The following ABCA4 variants were observed in gnomAD, a reference collection of about 807,000 sequenced individuals.
ABCA4 encodes the protein ATP binding cassette subfamily A member 4, also known as retinal-specific phospholipid-transporting ATPase ABCA4.
ABCA4 carries 196 observed loss-of-function variants against 263.7 expected under a neutral mutation model. The ratio of observed to expected loss-of-function variants is 0.74; its 90% CI spans 0.66 to 0.84. The LOEUF (loss-of-function observed/expected upper bound fraction) is 0.84, where lower values mean the gene tolerates loss of function less well. Ranked by LOEUF, ABCA4 falls within the 40% of genes least tolerant of loss-of-function variation. The pLI, the probability that ABCA4 is intolerant of heterozygous loss-of-function variation, is 0.00. For missense variants in ABCA4, 2,792 were observed against 2,855.1 expected, an observed-to-expected ratio of 0.98 and a Z score of 0.50; for synonymous variants, 1,133 against 1,094.2, an observed-to-expected ratio of 1.04 and a Z score of -0.70.
At chr1:94,104,952 CGCACACACACACGCATGCACACACAT>C (rs1310824522) in intron 4 of ABCA4, among the ~76,000 whole-genome samples, 87 of 152,294 alleles carry the variant, frequency 5.7e-4, no homozygotes, top group African/African-American at 1.9e-3. Flanking sequence ...CCCCAACACA[CGCACACACACACGCATGCACACACAT>C]GCACACACAC....
rs57665252 is a variant in ABCA4, at chr1:94,116,968, CTCTTTCTTTCTT to C, written c.67-3914_67-3903del. 7.4e-3 allele frequency among the ~76,000 whole-genome samples: 737 copies of C among 100,034 alleles called. 3 individuals carry two copies. The highest frequency in any genetic ancestry group is 0.012 in the African/African-American group (291 of 24,850). 65.6% of individuals were successfully genotyped at this position (100,034 alleles called of 152,430 possible). On this transcript the variant is annotated intron_variant, in intron 1 of 49. Transcript: ENST00000370225. ...CCCTCCCTCCCTCCTTTCTTTCTTT[CTCTTTCTTTCTT>C]TCTTTCTTTCTTTCTTTCTTTCTTT...
intron 7 of ABCA4, among the ~76,000 whole-genome samples, chr1:94,081,923 C>A (rs565893828): frequency 3.9e-5 from 6 of 152,334 alleles, no homozygotes; most frequent in South Asian, 2.1e-4. Context: ...TAAAACACAC[C>A]TGATTACTTG....
chr1:94,103,214 C>T (rs999115576), intron 4 of ABCA4, 72 bp from the exon 5 acceptor site: 3 of 1,561,128 alleles, frequency 1.9e-6, no homozygotes, highest in African/African-American at 1.4e-5. Context: ...CAGCCAGAGT[C>T]GATTGGAAAC....
intron 36 of ABCA4, among the ~76,000 whole-genome samples, chr1:94,017,821 T>C (rs973911043): frequency 1.3e-5 from 2 of 152,212 alleles, no homozygotes; most frequent in African/African-American, 4.8e-5. Context: ...CAACTGTACT[T>C]GTGACTTTTC....
rs991392332 is a variant in ABCA4, at chr1:93,992,965, G to C, written c.*272C>G. ...ATATGGAGGCCAAAGCTGCTAGTGG[G>C]ATGGCCCGGGGTTTCTAGTTCTGGG... On this transcript the variant is annotated 3_prime_UTR_variant, in exon 50 of 50. Coordinates refer to ENST00000370225, the MANE Select transcript of ABCA4 (RefSeq NM_000350.3). 3.8e-6 allele frequency: 2 copies of C among 529,290 alleles called. No homozygotes were observed. Among genetic ancestry groups the C allele is most frequent in the African/African-American group, 3.8e-5 (2 of 52,420 alleles). The allele number at this position is 529,290 out of a possible 1,614,324, so 32.8% of individuals were successfully genotyped here. A position where few individuals can be genotyped will look rare whatever the true frequency, so the allele number is the denominator to read the frequency against.
At chr1:94,069,886 C>G (rs1161800902) in intron 11 of ABCA4, among the ~76,000 whole-genome samples, 1 of 152,038 alleles carries the variant, frequency 6.6e-6, no homozygotes, top group African/African-American at 2.4e-5. Context: ...AAATGCACAG[C>G]TGTTAAAAAA....
intron 28 of ABCA4, 113 bp downstream of exon 28, chr1:94,030,883 T>A: frequency 3.4e-6 from 5 of 1,488,210 alleles, no homozygotes; most frequent in Non-Finnish European, 4.6e-6. Context: ...ACCCCTCCCC[T>A]CTCTCATTGG....
chr1:93,996,250 T>C, intron 48 of ABCA4, 55 bp from the exon 49 acceptor site: 1 of 1,271,540 alleles, frequency 7.9e-7, no homozygotes, highest in East Asian at 2.3e-5. Flanking sequence ...AACAGCACCC[T>C]ACACCCACCT....
intron 19 of ABCA4, 109 bp downstream of exon 19, chr1:94,046,810 A>G (rs1271701653): frequency 3.6e-6 from 5 of 1,406,190 alleles, no homozygotes; most frequent in African/African-American, 1.4e-5. Context: ...GGCCGCAAAT[A>G]TTTGTCACTA....
rs1033338055 is a variant in ABCA4 at position 94,118,675 on chromosome 1, C to T, written c.66+2305G>A. ...GGCCATCAGGATGGCATCCAGTGAA[C>T]GCCAGCCCAGACCAGGCCCAGCCCT... On this transcript the variant is annotated intron_variant, in intron 1 of 49. Transcript: ENST00000370225. Among the ~76,000 whole-genome samples the T allele has an allele frequency of 3.9e-5, 6 of 152,340 alleles. 1 individual carries two copies. The highest frequency in any genetic ancestry group is 9.6e-5 in the African/African-American group (4 of 41,562).
In ABCA4 at chr1:94,077,670, T is replaced by C. The variant is rs759151691; in HGVS notation, c.1554+20A>G. 2.5e-6 allele frequency: 4 copies of C among 1,597,980 alleles called. No homozygotes were observed. The highest frequency in any genetic ancestry group is 3.4e-6 in the Non-Finnish European group (4 of 1,171,090). On this transcript the variant is annotated intron_variant, in intron 11 of 49. Coordinates refer to ENST00000370225, the MANE Select transcript of ABCA4 (RefSeq NM_000350.3). ...GGGGCTATCTTCAAGGGGCCCACTGTGGGGCTTGCAGCCCCTTACCTCCAG... is the reference window on the plus strand; with the variant it reads ...GGGGCTATCTTCAAGGGGCCCACTGCGGGGCTTGCAGCCCCTTACCTCCAG...
At position 94,103,159 on chromosome 1, in the gene ABCA4, G is replaced by T; in HGVS notation, c.443-17C>A. 1.2e-6 allele frequency: 2 copies of T among 1,613,542 alleles called. No homozygotes were observed. The highest frequency in any genetic ancestry group is 1.7e-6 in the Non-Finnish European group (2 of 1,179,698). On this transcript the variant is annotated splice_polypyrimidine_tract_variant and intron_variant, in intron 4 of 49. Coordinates refer to ENST00000370225, the MANE Select transcript of ABCA4 (RefSeq NM_000350.3). ...TTCCTCTTCCTACATATGAATAAGA[G>T]AAAGAACAGGGTGTTGAAGGGGAAA...
chr1:94,055,930 A>G (rs1233289882), intron 15 of ABCA4, among the ~76,000 whole-genome samples: 2 of 152,210 alleles, frequency 1.3e-5, no homozygotes, highest in Non-Finnish European at 2.9e-5. Flanking sequence ...GACAAGGGGA[A>G]CTGCACCCTC....
Position 94,112,980 on chromosome 1 carries a change from A to G in ABCA4, c.153T>C (p.His51=), listed in dbSNP as rs147119129. ...WLRNANPLYS[H]HECHFPNKAM... is the part of the protein sequence containing the mutation. ...CTACCCTGCTATGCTTACATTCATG[A>G]TGGCTGTAGAGTGGGTTGGCATTCC... Residue 51 remains histidine, a synonymous_variant, in exon 2 of 50, where the codon CAT becomes CAC. Coordinates refer to ENST00000370225, the MANE Select transcript of ABCA4 (RefSeq NM_000350.3). The G allele has an allele frequency of 7.4e-6, 12 of 1,613,224 alleles. No homozygotes were observed. In the East Asian group the frequency reaches 2.5e-4, roughly 33 times the overall value.
At chr1:94,033,278 G>A (rs763892679) in intron 26 of ABCA4, among the ~76,000 whole-genome samples, 15 of 151,978 alleles carry the variant, frequency 9.9e-5, no homozygotes, top group Non-Finnish European at 1.6e-4. Context: ...AAAGAAATTA[G>A]CCAGGCACGG....
At chr1:94,051,339 C>T (rs1198517466) in intron 17 of ABCA4, among the ~76,000 whole-genome samples, 2 of 152,208 alleles carry the variant, frequency 1.3e-5, no homozygotes, top group Non-Finnish European at 2.9e-5. Flanking sequence ...TCTTTGAACC[C>T]TGAAGTGGCT....
chr1:94,056,613 C>T lies in ABCA4; in HGVS notation c.2370G>A (p.Leu790=), dbSNP rs752339002. 1 of 1,612,982 alleles carries T rather than the reference C, an allele frequency of 6.2e-7. No individual in the cohort carries two copies. The highest frequency in any genetic ancestry group is 1.1e-5 in the South Asian group (1 of 90,986). Residue 790 remains leucine (L), a synonymous_variant, in exon 15 of 50, where the codon CTG becomes CTA. Transcript: ENST00000370225. ...FAWQDRMTAE[L]KKAVSLLSPV... ...CCAAGGGCCTCACCACAGCCTTCTTCAGCTCAGCGGTCATGCGGTCCTGCC... is the reference window on the plus strand; with the variant it reads ...CCAAGGGCCTCACCACAGCCTTCTTTAGCTCAGCGGTCATGCGGTCCTGCC...
chr1:94,085,299 C>T (rs1267600274), intron 6 of ABCA4, among the ~76,000 whole-genome samples: 1 of 152,182 alleles, frequency 6.6e-6, no homozygotes, highest in African/African-American at 2.4e-5. Flanking sequence ...ATAGTTGAAG[C>T]TGGGTGATAG....
chr1:94,063,200 G>C lies in ABCA4; in HGVS notation c.1672C>G (p.Pro558Ala). The change falls in exon 12 of 50, where the codon CCC (proline) becomes GCC (alanine). Residue 558 changes from proline (P) to alanine (A), a missense_variant. Coordinates refer to ENST00000370225, the MANE Select transcript of ABCA4 (RefSeq NM_000350.3). ...TGGGGTGGTAGAGAGCTGGTCCAGGGATACATGTCAGGGAATACCACTCCG... is the reference window on the plus strand; with the variant it reads ...TGGGGTGGTAGAGAGCTGGTCCAGGCATACATGTCAGGGAATACCACTCCG... Reference protein sequence around the residue: ...WAGVVFPDMYPWTSSLPPHVK... With the variant: ...WAGVVFPDMYAWTSSLPPHVK... 1 of 1,614,098 alleles carries C rather than the reference G, an allele frequency of 6.2e-7. No homozygotes were observed. Among genetic ancestry groups the C allele is most frequent in the Non-Finnish European group, 8.5e-7 (1 of 1,180,012 alleles).
Sources: allele counts gnomAD v4.1 joint callset (sites outside exome capture counted in the v4.1 genomes callset), GRCh38; gene constraint gnomAD v4.1.1; transcripts MANE v1.5; gene names NCBI Gene and HGNC (gene_info 2026-07-23, HGNC 2026-07-21).